TP63: variants seen among roughly 807,000 people sequenced by gnomAD.
The protein encoded by TP63 is tumor protein 63.
Under a neutral mutation model 82.8 loss-of-function variants are expected in TP63, and 17 were observed. The ratio of observed to expected loss-of-function variants is 0.21; its 90% CI spans 0.14 to 0.31. TP63 has a LOEUF of 0.31. Among genes scored for constraint, TP63 ranks in the 10% least tolerant of loss-of-function variants. The pLI, the probability that TP63 is intolerant of heterozygous loss-of-function variation, is 1.00. For synonymous variants in TP63, 330 were observed against 321.7 expected (o/e 1.03, Z -0.28); for missense variants, 648 against 895.3 (o/e 0.72, Z 3.52).
At chr3:189,817,007 A>G (rs199665336) in intron 4 of TP63, among the ~76,000 whole-genome samples, 3,308 of 144,074 alleles carry the variant, frequency 0.023, 129 homozygotes, top group African/African-American at 0.078. Flanking sequence ...CATGTGGGGG[A>G]AAAAAAAAAC....
chr3:189,796,011 A>C (rs1248556086), intron 3 of TP63, among the ~76,000 whole-genome samples: 1 of 152,038 alleles, frequency 6.6e-6, no homozygotes, highest in East Asian at 1.9e-4. Flanking sequence ...GTTTATTATG[A>C]GTTAATTTTA....
chr3:189,625,669 C>G, the TP63 span, among the ~76,000 whole-genome samples: 1 of 152,156 alleles, frequency 6.6e-6, no homozygotes, highest in East Asian at 1.9e-4. Context: ...AAAGGTGCAA[C>G]ATATCTGCAA....
chr3:189,771,294 T>A (rs1029799837), intron 3 of TP63, among the ~76,000 whole-genome samples: 3 of 138,788 alleles, frequency 2.2e-5, no homozygotes, highest in Non-Finnish European at 4.6e-5. Context: ...TAAATATATA[T>A]TATATTTATA....
intron 1 of TP63, among the ~76,000 whole-genome samples, chr3:189,700,143 A>G (rs765715950): frequency 1.9e-4 from 29 of 152,170 alleles, no homozygotes; most frequent in Non-Finnish European, 3.8e-4. Context: ...GTTGTGCAAT[A>G]ACTTGAGGTT....
At chr3:189,761,465 T>TGGGCAAAA (rs1722565417) in intron 3 of TP63, among the ~76,000 whole-genome samples, 1 of 152,208 alleles carries the variant, frequency 6.6e-6, no homozygotes, top group Non-Finnish European at 1.5e-5. Context: ...AGAGTCATCT[T>TGGGCAAAA]TGCTCCAATT....
chr3:189,768,212 T>C (rs1576911362), intron 3 of TP63, among the ~76,000 whole-genome samples: 1 of 152,140 alleles, frequency 6.6e-6, no homozygotes, highest in African/African-American at 2.4e-5. Context: ...CTAATTGAGA[T>C]AGTAAATATA....
At chr3:189,607,485 C>A in the TP63 span, among the ~76,000 whole-genome samples, 1 of 151,878 alleles carries the variant, frequency 6.6e-6, no homozygotes, top group African/African-American at 2.4e-5. Context: ...TTTATTATTA[C>A]AAATAATTTT....
chr3:189,859,631 A>T (rs1716755473), intron 4 of TP63, among the ~76,000 whole-genome samples: 1 of 152,174 alleles, frequency 6.6e-6, no homozygotes, highest in Non-Finnish European at 1.5e-5. Context: ...CCACTTTGTA[A>T]AACTATTTGG....
chr3:189,862,866 C>T (rs6444403), intron 4 of TP63, among the ~76,000 whole-genome samples: 34,657 of 152,066 alleles, frequency 0.23, 6,839 homozygotes, highest in African/African-American at 0.54. Context: ...CCTTTTGCTG[C>T]GTCTAATCCA....
chr3:189,679,545 T>A (rs1715731010), intron 1 of TP63, among the ~76,000 whole-genome samples: 1 of 152,280 alleles, frequency 6.6e-6, no homozygotes, highest in East Asian at 1.9e-4. Flanking sequence ...CTCTATCAGA[T>A]GTCTGATTTG....
At chr3:189,840,315 T>A (rs1188365374) in intron 4 of TP63, among the ~76,000 whole-genome samples, 1 of 151,422 alleles carries the variant, frequency 6.6e-6, no homozygotes, top group Non-Finnish European at 1.5e-5. Flanking sequence ...TGTACAGTTG[T>A]TTTAGGAGTT....
intron 1 of TP63, among the ~76,000 whole-genome samples, chr3:189,692,043 C>T (rs1208124479): frequency 2.6e-5 from 4 of 152,142 alleles, no homozygotes; most frequent in Non-Finnish European, 1.5e-5. Context: ...TTGTCATCTT[C>T]GGAAGCACCT....
chr3:189,734,838 C>T (rs1377751551), intron 1 of TP63, among the ~76,000 whole-genome samples: 1 of 152,178 alleles, frequency 6.6e-6, no homozygotes, highest in Non-Finnish European at 1.5e-5. Flanking sequence ...TCCAACCTGC[C>T]TATTCCAGGA....
In TP63 at chr3:189,833,138, T is replaced by C. The variant is rs1018300303; in HGVS notation, c.579+24612T>C. The stretch of plus-strand genomic sequence containing the variant: ...CACCACCATGAGGTTGAAAAATGAG[T>C]TTCCATTTAGTTTAAGCCTTTTGTT... On this transcript the variant is annotated intron_variant, in intron 4 of 13. Coordinates refer to ENST00000264731, the MANE Select transcript of TP63 (RefSeq NM_003722.5). Among the ~76,000 whole-genome samples, 4 of 152,164 alleles carry C rather than the reference T, an allele frequency of 2.6e-5. 1 individual carries two copies. The highest frequency in any genetic ancestry group is 4.4e-5 in the Non-Finnish European group (3 of 68,030).
intron 1 of TP63, among the ~76,000 whole-genome samples, chr3:189,737,501 G>T (rs1253532714): frequency 6.6e-6 from 1 of 152,138 alleles, no homozygotes; most frequent in Admixed American, 6.5e-5. Flanking sequence ...GGAAAGGAGA[G>T]CTTTGATAGA....
At chr3:189,709,472 C>T (rs1282803498) in intron 1 of TP63, among the ~76,000 whole-genome samples, 5 of 152,054 alleles carry the variant, frequency 3.3e-5, no homozygotes, top group Non-Finnish European at 7.4e-5. Flanking sequence ...CCGAAGCATA[C>T]TATTACAACT....
intron 1 of TP63, among the ~76,000 whole-genome samples, chr3:189,732,856 T>C (rs993974428): frequency 3.3e-5 from 5 of 152,172 alleles, no homozygotes; most frequent in East Asian, 1.9e-4. Flanking sequence ...AGCAGGTTAA[T>C]TGTTGAACAA....
chr3:189,827,604 C>T (rs1487708618), intron 4 of TP63, among the ~76,000 whole-genome samples: 1 of 152,108 alleles, frequency 6.6e-6, no homozygotes, highest in Non-Finnish European at 1.5e-5. Flanking sequence ...ATAGATATTC[C>T]AGGTAGAGGG....
chr3:189,787,150 C>T (rs2138247), intron 3 of TP63, among the ~76,000 whole-genome samples: 31,453 of 151,990 alleles, frequency 0.21, 4,037 homozygotes, highest in Admixed American at 0.3. Context: ...CAATATGTTC[C>T]TTTTCCTTTA....
Sources: gnomAD v4.1 joint callset for allele counts (sites outside exome capture counted in the v4.1 genomes callset) on GRCh38, gnomAD v4.1.1 for gene constraint, MANE v1.5 for transcripts, NCBI Gene and HGNC (gene_info 2026-07-23, HGNC 2026-07-21) for gene names.